Variants in TUB observed in about 807,000 individuals in gnomAD.
TUB encodes the protein TUB bipartite transcription factor, also known as tubby protein homolog.
TUB carries 33 observed loss-of-function variants against 59.7 expected under a neutral mutation model. The observed-to-expected ratio is 0.55, with a 90% CI of 0.42 to 0.74. The LOEUF is 0.74. Among genes scored for constraint, TUB ranks in the 30% least tolerant of loss-of-function variants. The pLI is 0.00. For synonymous variants in TUB, 293 were observed against 256.4 expected (o/e 1.14, Z -1.36); for missense variants, 659 against 672.0 (o/e 0.98, Z 0.21).
At chr11:8,096,573 T>C in intron 5 of TUB, 112 bp from the exon 6 acceptor site, 1 of 749,904 alleles carries the variant, frequency 1.3e-6, no homozygotes, top group South Asian at 1.5e-5. Flanking sequence ...GTGCATAAGT[T>C]TGTGGGGGTA....
At chr11:8,065,486 G>A (rs557347266) in intron 2 of TUB, among the ~76,000 whole-genome samples, 1 of 152,334 alleles carries the variant, frequency 6.6e-6, no homozygotes, top group South Asian at 2.1e-4. Context: ...TCTCTAAAAT[G>A]GGGATAGTCG....
chr11:8,071,095 A>T lies in TUB; in HGVS notation c.204-18515A>T, dbSNP rs569310159. On this transcript the variant is annotated intron_variant, in intron 2 of 12. Coordinates refer to the TUB transcript ENST00000305253. The stretch of plus-strand genomic sequence containing the variant: ...GGTGGTTCATGGCAGAGCACATTTG[A>T]ATTGTTCCTAAGCACTCATCACCTC... Among the ~76,000 whole-genome samples the T allele has an allele frequency of 2.0e-4, 30 of 152,236 alleles. No individual in the cohort carries two copies. In the Middle Eastern group the frequency reaches 0.017, roughly 86 times the overall value.
chr11:8,040,926 G>C (rs1001745435), intron 2 of TUB, among the ~76,000 whole-genome samples: 6 of 152,168 alleles, frequency 3.9e-5, no homozygotes, highest in African/African-American at 1.4e-4. Flanking sequence ...GGCAAAACAG[G>C]CCTCAGGTTC....
intron 1 of TUB, among the ~76,000 whole-genome samples, chr11:8,023,040 A>C (rs1013196753): frequency 9.9e-5 from 15 of 152,240 alleles, no homozygotes; most frequent in Admixed American, 8.5e-4. Context: ...GGCCAGGCTC[A>C]GCTTTTCTGG....
intron 5 of TUB, among the ~76,000 whole-genome samples, chr11:8,096,114 A>C (rs1943982549): frequency 6.6e-6 from 1 of 152,200 alleles, no homozygotes. Flanking sequence ...TTCCTGTACA[A>C]AGGACTTTGA....
At chr11:8,034,944 C>G (rs1018796257), upstream of TUB, among the ~76,000 whole-genome samples, 1 of 152,238 alleles carries the variant, frequency 6.6e-6, no homozygotes, top group Non-Finnish European at 1.5e-5. Flanking sequence ...TCTATCAGAA[C>G]TGAGGAGAAT....
chr11:8,065,512 G>A (rs1019272003), intron 2 of TUB, among the ~76,000 whole-genome samples: 13 of 152,220 alleles, frequency 8.5e-5, no homozygotes, highest in Admixed American at 8.5e-4. Context: ...GCCTTATAGG[G>A]CAGTCAAGAA....
In TUB at chr11:8,102,509, C is replaced by T. The variant is rs1944350168; in HGVS notation, c.*890C>T. The T allele has an allele frequency of 6.6e-6, 1 of 152,294 alleles. No homozygotes were observed. Among genetic ancestry groups the T allele is most frequent in the Non-Finnish European group, 1.5e-5 (1 of 68,122 alleles). 9.4% of individuals were successfully genotyped at this position (152,294 alleles called of 1,614,324 possible). ...CAGGAAACACAAATGGGGTCCAGGTCACCAGCCTGACTGCACACAGCTAGG... is the reference window on the plus strand; with the variant it reads ...CAGGAAACACAAATGGGGTCCAGGTTACCAGCCTGACTGCACACAGCTAGG... On this transcript the variant is annotated 3_prime_UTR_variant, in exon 12 of 12. Coordinates refer to ENST00000299506, the MANE Select transcript of TUB (RefSeq NM_177972.3).
chr11:8,100,692 T>G, intron 10 of TUB, 91 bp downstream of exon 10: 2 of 1,482,718 alleles, frequency 1.3e-6, no homozygotes, highest in Non-Finnish European at 1.8e-6. Flanking sequence ...TGTGTGTATG[T>G]GGAGGGGTAC....
chr11:8,056,444 G>A (rs1943022828), intron 2 of TUB, among the ~76,000 whole-genome samples: 1 of 152,204 alleles, frequency 6.6e-6, no homozygotes, highest in Non-Finnish European at 1.5e-5. Context: ...ACATGTGTGT[G>A]GTGCGCATGC....
intron 1 of TUB, among the ~76,000 whole-genome samples, chr11:8,031,509 G>T (rs569597396): frequency 6.6e-6 from 1 of 152,376 alleles, no homozygotes; most frequent in East Asian, 1.9e-4. Flanking sequence ...GAGCTGTGGT[G>T]GGGTAGAGGA....
Position 8,105,214 on chromosome 11 carries a change from G to A in TUB, c.*3595G>A, listed in dbSNP as rs61561982. On this transcript the variant is annotated 3_prime_UTR_variant, in exon 12 of 12. Transcript: ENST00000299506. ...TTCTCTAATTCCTTACCCCAGCTGC[G>A]GCATCCCTGTGTTAACTCAGGATGC... The A allele has an allele frequency of 0.047, 7,106 of 152,140 alleles. 254 individuals carry two copies. The highest frequency in any genetic ancestry group is 0.1 in the African/African-American group (4,148 of 41,468). 9.4% of individuals were successfully genotyped at this position (152,140 alleles called of 1,614,324 possible). A position where few individuals can be genotyped will look rare whatever the true frequency, so the allele number is the denominator to read the frequency against.
At chr11:8,098,021 A>C (rs1233302419) in intron 8 of TUB, among the ~76,000 whole-genome samples, 195 bp downstream of exon 8, 1 of 152,164 alleles carries the variant, frequency 6.6e-6, no homozygotes, top group Non-Finnish European at 1.5e-5. Context: ...GATGGGAATC[A>C]CACACCCGAC....
At chr11:8,043,011 G>C (rs564420912) in intron 2 of TUB, among the ~76,000 whole-genome samples, 4 of 152,018 alleles carry the variant, frequency 2.6e-5, no homozygotes, top group Admixed American at 2.6e-4. Context: ...GAAACTGTAG[G>C]ATTTTTTACA....
At chr11:8,037,454 TAGC>T (rs1238383905), upstream of TUB, among the ~76,000 whole-genome samples, 2 of 152,224 alleles carry the variant, frequency 1.3e-5, no homozygotes, top group Non-Finnish European at 2.9e-5. Context: ...TCTGTCTGCT[TAGC>T]AGATGAGGGG....
chr11:8,055,833 A>G (rs12802988), intron 2 of TUB, among the ~76,000 whole-genome samples: 67,606 of 152,138 alleles, frequency 0.44, 16,587 homozygotes, highest in Middle Eastern at 0.62. Context: ...AGTTGGAAGC[A>G]GGAGCCCTGG....
chr11:8,087,699 C>T (rs1433514867), intron 1 of TUB, among the ~76,000 whole-genome samples: 2 of 152,246 alleles, frequency 1.3e-5, no homozygotes, highest in Non-Finnish European at 2.9e-5. Flanking sequence ...CGGGTCTGAC[C>T]CTTTCAAGTC....
chr11:8,039,877 G>A (rs1008494408), intron 2 of TUB, among the ~76,000 whole-genome samples: 1 of 152,184 alleles, frequency 6.6e-6, no homozygotes, highest in Non-Finnish European at 1.5e-5. Flanking sequence ...CTCTTATTGT[G>A]TGTGACTATT....
Position 8,105,395 on chromosome 11 carries a change from C to CA in TUB, c.*3778dup, listed in dbSNP as rs1944513701. On this transcript the variant is annotated 3_prime_UTR_variant, in exon 12 of 12. Transcript: ENST00000299506. The stretch of plus-strand genomic sequence containing the variant: ...TTTGTAGTAGCCACCGGTAATAAGC[C>CA]AAGGGCTAGGCTCTTGTTTGAGTTT... The CA allele has an allele frequency of 6.6e-6, 1 of 152,230 alleles. No homozygotes were observed. The highest frequency in any genetic ancestry group is 6.5e-5 in the Admixed American group (1 of 15,286). 9.4% of individuals were successfully genotyped at this position (152,230 alleles called of 1,614,324 possible).
Sources: allele counts gnomAD v4.1 joint callset (sites outside exome capture counted in the v4.1 genomes callset), GRCh38; gene constraint gnomAD v4.1.1; transcripts MANE v1.5; gene names NCBI Gene and HGNC (gene_info 2026-07-23, HGNC 2026-07-21).